The following PLCH2 variants were observed in gnomAD, a reference collection of about 807,000 sequenced individuals.
The protein encoded by PLCH2 is phospholipase C eta 2, also known as 1-phosphatidylinositol 4,5-bisphosphate phosphodiesterase eta-2.
In PLCH2, 98 loss-of-function variants were observed where a neutral mutation model predicts 134.7. The observed-to-expected ratio is 0.73, with a 90% confidence interval of 0.62 to 0.86. The LOEUF is 0.86. Among genes scored for constraint, PLCH2 ranks in the 40% least tolerant of loss-of-function variants. PLCH2 has a pLI of 0.00. For missense variants in PLCH2, 1,994 were observed against 1,986.6 expected (o/e 1.00, Z -0.07); for synonymous variants, 974 against 827.5 (o/e 1.18, Z -3.04).
Position 2,503,917 on chromosome 1 carries a change from C to T in PLCH2, c.2960-5C>T, listed in dbSNP as rs1643379714. ...GCTCTCTCTCACTCCCCCACCTCCC[C>T]ACAGACACCCGCCCCCTCTCCACGC... is the stretch of plus-strand genomic sequence containing the variant. On this transcript the variant is annotated splice_region_variant and splice_polypyrimidine_tract_variant and intron_variant, in intron 21 of 21. Transcript: ENST00000378486. The T allele has an allele frequency of 1.2e-6, 1 of 849,374 alleles. No individual in the cohort carries two copies. Among genetic ancestry groups the T allele is most frequent in the Non-Finnish European group, 1.9e-6 (1 of 535,348 alleles). The allele number at this position is 849,374 out of a possible 1,614,324, so 52.6% of individuals were successfully genotyped here. A position where few individuals can be genotyped will look rare whatever the true frequency, so the allele number is the denominator to read the frequency against.
chr1:2,502,782 T>C (rs113468254), intron 21 of PLCH2: 2 of 716,540 alleles, frequency 2.8e-6, no homozygotes, highest in Non-Finnish European at 5.2e-6. Flanking sequence ...AGCCCGGGCA[T>C]CCCCGAAAGG....
At chr1:2,456,207 G>C (rs146010616) in intron 2 of PLCH2, among the ~76,000 whole-genome samples, 6 of 152,300 alleles carry the variant, frequency 3.9e-5, no homozygotes, top group African/African-American at 1.4e-4. Flanking sequence ...GCCAGCACCA[G>C]ATCACCTGGT....
upstream of PLCH2, among the ~76,000 whole-genome samples, chr1:2,471,303 G>A (rs1305478002): frequency 6.6e-6 from 1 of 152,192 alleles, no homozygotes; most frequent in Non-Finnish European, 1.5e-5. Context: ...GCCATAGCGG[G>A]CCAGCTGGAG....
chr1:2,503,982 C>T lies in PLCH2; in HGVS notation c.3020C>T (p.Ala1007Val), dbSNP rs1170673852. 5 of 1,518,930 alleles carry T rather than the reference C, an allele frequency of 3.3e-6. No homozygotes were observed. In the African/African-American group the frequency reaches 4.2e-5, roughly 13 times the overall value. The allele number at this position is 1,518,930 out of a possible 1,614,324, so 94.1% of individuals were successfully genotyped here. ...LPPLCSLETIAEEPAPGPGPP... is the reference protein window; with the variant it reads ...LPPLCSLETIVEEPAPGPGPP... ...CCACTGTGCAGCCTGGAAACCATCG[C>T]TGAGGAGCCCGCCCCAGGCCCTGGT... The change falls in exon 22 of 22, where the codon GCT (alanine) becomes GTT (valine). Residue 1007 changes from alanine (A) to valine (V), a missense_variant. Ala to Val is a moderately conservative substitution (Grantham distance 64). Coordinates refer to ENST00000378486, the MANE Select transcript of PLCH2 (RefSeq NM_014638.4).
At chr1:2,438,665 G>T (rs1325669540) in intron 2 of PLCH2, among the ~76,000 whole-genome samples, 1 of 152,174 alleles carries the variant, frequency 6.6e-6, no homozygotes, top group African/African-American at 2.4e-5. Flanking sequence ...GCAGGTGAAG[G>T]TCCCTTCTTG....
chr1:2,503,319 C>T, intron 21 of PLCH2: 1 of 573,632 alleles, frequency 1.7e-6, no homozygotes, highest in South Asian at 2.0e-5. Context: ...CCATCCCATT[C>T]CCACCTCCCT....
rs1031018610 is a variant in PLCH2, at chr1:2,489,707, G to A, written c.1408-53G>A. 9 of 1,420,570 alleles carry A rather than the reference G, an allele frequency of 6.3e-6. No homozygotes were observed. In the African/African-American group the frequency reaches 1.3e-4, roughly 20 times the overall value. 88.0% of individuals were successfully genotyped at this position (1,420,570 alleles called of 1,614,324 possible). A position where few individuals can be genotyped will look rare whatever the true frequency, so the allele number is the denominator to read the frequency against. ...CGGCTCTTTGTGGGTGCCAGGTACT[G>A]GCTTCCCAGCATTTTCTCCAGGGCC... On this transcript the variant is annotated intron_variant, in intron 9 of 21. Coordinates refer to ENST00000378486, the MANE Select transcript of PLCH2 (RefSeq NM_014638.4).
chr1:2,465,602 C>A (rs1335015411), upstream of PLCH2, among the ~76,000 whole-genome samples: 1 of 152,242 alleles, frequency 6.6e-6, no homozygotes, highest in Non-Finnish European at 1.5e-5. Context: ...CACCTGCCAC[C>A]CGCCGGGCCA....
intron 4 of PLCH2, among the ~76,000 whole-genome samples, chr1:2,482,168 TGGGGCTCAGGCCCCGA>T (rs1349957202): frequency 2.0e-5 from 3 of 152,190 alleles, no homozygotes; most frequent in Non-Finnish European, 4.4e-5. Context: ...TGTTCTAGGG[TGGGGCTCAGGCCCCGA>T]GGGCCTCACT....
At chr1:2,499,299 C>T (rs1481675440) in intron 19 of PLCH2, 69 bp downstream of exon 19, 3 of 1,555,826 alleles carry the variant, frequency 1.9e-6, no homozygotes, top group East Asian at 4.6e-5. Context: ...GTACTCTTTC[C>T]CCTGTGAGTC....
upstream of PLCH2, among the ~76,000 whole-genome samples, chr1:2,472,053 G>C (rs1297726580): frequency 6.6e-6 from 1 of 152,140 alleles, no homozygotes; most frequent in Non-Finnish European, 1.5e-5. Flanking sequence ...CCCTGCCCTT[G>C]CTGGGACCCC....
rs373920042 is a variant in PLCH2 at position 2,496,811 on chromosome 1, G to C, written c.1934-17G>C. The C allele has an allele frequency of 6.2e-7, 1 of 1,610,566 alleles. No individual in the cohort carries two copies. The highest frequency in any genetic ancestry group is 8.5e-7 in the Non-Finnish European group (1 of 1,178,104). ...GTCGAGGACTGGCAGTCTGATGCCC[G>C]GTCACCGGCGCCACAGCGGCGTCCA... On this transcript the variant is annotated splice_polypyrimidine_tract_variant and intron_variant, in intron 14 of 21. Coordinates refer to ENST00000378486, the MANE Select transcript of PLCH2 (RefSeq NM_014638.4).
intron 2 of PLCH2, among the ~76,000 whole-genome samples, chr1:2,438,117 C>T (rs1479370685): frequency 6.6e-6 from 1 of 152,250 alleles, no homozygotes; most frequent in Non-Finnish European, 1.5e-5. Flanking sequence ...GGCAGGGTCA[C>T]ACTGCGCTCC....
Position 2,479,822 on chromosome 1 carries a change from CT to C in PLCH2, c.361del (p.Cys121AlafsTer54). On this transcript the variant is annotated frameshift_variant, in exon 3 of 22. Transcript: ENST00000378486. LOFTEE classifies it high-confidence loss of function. ...CTGACGGCAGCTTCGACCCCAACTGCTGCTTCAGCATCTACCACGGCAGCCA... is the reference window on the plus strand; with the variant it reads ...CTGACGGCAGCTTCGACCCCAACTGCGCTTCAGCATCTACCACGGCAGCCA... ...YPDGSFDPNC[C>X]FSIYHGSHRE... is the part of the protein sequence containing the mutation. 1.2e-6 allele frequency: 2 copies of C among 1,605,444 alleles called. No homozygotes were observed. Among genetic ancestry groups the C allele is most frequent in the Non-Finnish European group, 1.7e-6 (2 of 1,176,774 alleles).
intron 2 of PLCH2, among the ~76,000 whole-genome samples, chr1:2,432,318 A>G (rs937778275): frequency 9.2e-5 from 14 of 151,872 alleles, no homozygotes; most frequent in African/African-American, 3.4e-4. Context: ...ATAACTGAGC[A>G]CTCCGGCTGG....
At chr1:2,464,797 G>C (rs892297438), upstream of PLCH2, among the ~76,000 whole-genome samples, 1 of 152,260 alleles carries the variant, frequency 6.6e-6, no homozygotes, top group Non-Finnish European at 1.5e-5. Context: ...AAAGAGATGA[G>C]ATGGAGACAC....
intron 2 of PLCH2, among the ~76,000 whole-genome samples, chr1:2,436,233 C>T (rs1260179255): frequency 2.4e-5 from 3 of 126,500 alleles, no homozygotes; most frequent in Non-Finnish European, 5.0e-5. Context: ...CTCCTCCTTT[C>T]CTCCTTCCTC....
At position 2,499,095 on chromosome 1, in the gene PLCH2, A is replaced by C. The variant is rs1253953294; in HGVS notation, c.2446A>C (p.Thr816Pro). 1 of 1,610,344 alleles carries C rather than the reference A, an allele frequency of 6.2e-7. No individual in the cohort carries two copies. Among genetic ancestry groups the C allele is most frequent in the East Asian group, 2.2e-5 (1 of 44,800 alleles). ...CGCTGCTTCCCCAGGGTTCAACCCCACCTGGGAGGAGACCCTGGTTTTCAT... is the reference window on the plus strand; with the variant it reads ...CGCTGCTTCCCCAGGGTTCAACCCCCCCTGGGAGGAGACCCTGGTTTTCAT... ...RVVDDNGFNP[T>P]WEETLVFMVH... The change falls in exon 19 of 22, where the codon ACC (threonine) becomes CCC (proline). Residue 816 changes from threonine to proline, a missense_variant. Transcript: ENST00000378486.
Position 2,504,072 on chromosome 1 carries a change from C to T in PLCH2, c.3110C>T (p.Pro1037Leu). ...GGACGGCCCCCATACCCCACAGGAC[C>T]CGGAGCCAATGTGGCAAGCCCCCTA... ...SQGRPPYPTG[P>L]GANVASPLED... Residue 1037 changes from proline (P) to leucine (L), a missense_variant, in exon 22 of 22, where the codon CCC becomes CTC. Coordinates refer to ENST00000378486, the MANE Select transcript of PLCH2 (RefSeq NM_014638.4). 4 of 1,548,496 alleles carry T rather than the reference C, an allele frequency of 2.6e-6. No homozygotes were observed. The highest frequency in any genetic ancestry group is 3.5e-6 in the Non-Finnish European group (4 of 1,146,826).
Sources: gnomAD v4.1 joint callset for allele counts (sites outside exome capture counted in the v4.1 genomes callset) on GRCh38, gnomAD v4.1.1 for gene constraint, MANE v1.5 for transcripts, NCBI Gene and HGNC (gene_info 2026-07-23, HGNC 2026-07-21) for gene names.